The following CYFIP2 variants were observed in gnomAD, a reference collection of about 807,000 sequenced individuals.
CYFIP2 encodes the protein cytoplasmic FMR1-interacting protein 2.
A neutral mutation model predicts 158.7 loss-of-function variants in CYFIP2; 29 were observed. That is an observed-to-expected ratio of 0.18 (90% CI 0.14 to 0.25). The LOEUF (loss-of-function observed/expected upper bound fraction) is 0.25. Ranked by LOEUF, CYFIP2 falls within the 10% of genes least tolerant of loss-of-function variation. CYFIP2 has a pLI of 1.00. For synonymous variants in CYFIP2, 585 were observed against 617.6 expected, an observed-to-expected ratio of 0.95 and a Z score of 0.78; for missense variants, 852 against 1,639.5, an observed-to-expected ratio of 0.52 and a Z score of 8.29.
intron 28 of CYFIP2, among the ~76,000 whole-genome samples, chr5:157,388,011 C>T (rs916967223): frequency 6.6e-6 from 1 of 152,144 alleles, no homozygotes; most frequent in South Asian, 2.1e-4. Flanking sequence ...AGTGAGCTTC[C>T]GGGGTAGGTC....
intron 23 of CYFIP2, chr5:157,342,758 C>T (rs1762364323): frequency 2.6e-6 from 3 of 1,162,170 alleles, no homozygotes; most frequent in East Asian, 2.6e-5. Flanking sequence ...ATAGCAGTGA[C>T]GTTTGATGGG....
chr5:157,389,583 A>G, intron 29 of CYFIP2, 156 bp downstream of exon 29: 1 of 652,236 alleles, frequency 1.5e-6, no homozygotes, highest in Non-Finnish European at 2.6e-6. Context: ...TGCATTGGCA[A>G]GAAAGAGCCC....
At chr5:157,298,058 G>A (rs1561702045) in intron 5 of CYFIP2, among the ~76,000 whole-genome samples, 2 of 152,226 alleles carry the variant, frequency 1.3e-5, no homozygotes, top group East Asian at 1.9e-4. Context: ...TCTCAGGCCC[G>A]TGGAAGCAGA....
chr5:157,331,857 A>G (rs1195261195), intron 20 of CYFIP2, among the ~76,000 whole-genome samples: 1 of 152,204 alleles, frequency 6.6e-6, no homozygotes. Context: ...AAGAATAATC[A>G]TTTGACACCT....
intron 11 of CYFIP2, 126 bp from the exon 12 acceptor site, chr5:157,314,218 C>A: frequency 1.6e-6 from 2 of 1,254,194 alleles, no homozygotes; most frequent in Non-Finnish European, 2.1e-6. Context: ...TTGTCTGAGC[C>A]TCAGTTTATC....
chr5:157,328,150 G>C, intron 19 of CYFIP2, 101 bp downstream of exon 19: 1 of 1,179,420 alleles, frequency 8.5e-7, no homozygotes, highest in Non-Finnish European at 1.2e-6. Context: ...AGCACCTTAG[G>C]AAAACAGAGC....
chr5:157,279,289 A>G (rs1055487059), intron 1 of CYFIP2, among the ~76,000 whole-genome samples: 2 of 152,246 alleles, frequency 1.3e-5, no homozygotes, highest in Non-Finnish European at 2.9e-5. Flanking sequence ...TAAGTGGCAG[A>G]TGACAGATTG....
intron 21 of CYFIP2, 53 bp from the exon 22 acceptor site, chr5:157,339,004 A>G: frequency 1.3e-6 from 2 of 1,523,892 alleles, no homozygotes; most frequent in South Asian, 1.3e-5. Flanking sequence ...AAACACACAC[A>G]TGTAATGCTT....
chr5:157,335,618 C>T (rs1032051230), intron 21 of CYFIP2, among the ~76,000 whole-genome samples: 1 of 152,158 alleles, frequency 6.6e-6, no homozygotes, highest in African/African-American at 2.4e-5. Context: ...TTTGGGGCTG[C>T]AATGCAGTGA....
In CYFIP2 at chr5:157,369,497, C is replaced by T. The variant is rs562557668; in HGVS notation, c.3039+7899C>T. Among the ~76,000 whole-genome samples the T allele has an allele frequency of 1.5e-3, 234 of 152,276 alleles. 1 individual carries two copies. Among genetic ancestry groups the T allele is most frequent in the Non-Finnish European group, 2.6e-3 (179 of 68,016 alleles). ...CAGGGGAGGGACATTTCAGCTTCCTCCTGGTGTAATGTTTATCCTCTAAAA... is the reference window on the plus strand; with the variant it reads ...CAGGGGAGGGACATTTCAGCTTCCTTCTGGTGTAATGTTTATCCTCTAAAA... On this transcript the variant is annotated intron_variant, in intron 26 of 30. Coordinates refer to ENST00000620254, the MANE Select transcript of CYFIP2 (RefSeq NM_001037333.3).
chr5:157,357,102 TC>T (rs1763461930), intron 23 of CYFIP2, among the ~76,000 whole-genome samples: 2 of 152,220 alleles, frequency 1.3e-5, no homozygotes, highest in Admixed American at 1.3e-4. Flanking sequence ...CTTCTCACGT[TC>T]CAGGCCTCCC....
intron 28 of CYFIP2, among the ~76,000 whole-genome samples, chr5:157,388,352 G>A (rs1350986275): frequency 6.6e-6 from 1 of 152,140 alleles, no homozygotes; most frequent in Admixed American, 6.5e-5. Context: ...ATTAATAGAG[G>A]TCATTTGTAA....
At chr5:157,355,890 T>C (rs1472457477) in intron 23 of CYFIP2, among the ~76,000 whole-genome samples, 2 of 152,198 alleles carry the variant, frequency 1.3e-5, no homozygotes, top group East Asian at 3.9e-4. Context: ...CTTTGTCACC[T>C]GGTGCCTGTG....
intron 28 of CYFIP2, among the ~76,000 whole-genome samples, chr5:157,385,711 T>C (rs1766611022): frequency 6.6e-6 from 1 of 152,020 alleles, no homozygotes; most frequent in African/African-American, 2.4e-5. Flanking sequence ...TTACCTGCCT[T>C]TCTTGTTATC....
At position 157,361,667 on chromosome 5, in the gene CYFIP2, T is replaced by C. The variant is rs1282400091; in HGVS notation, c.3039+69T>C. The C allele has an allele frequency of 3.1e-6, 5 of 1,587,630 alleles. No individual in the cohort carries two copies. In the East Asian group the frequency reaches 1.1e-4, roughly 36 times the overall value. On this transcript the variant is annotated intron_variant, in intron 26 of 30. Transcript: ENST00000620254. The surrounding 1 kb of genome is among the most constrained non-coding windows in gnomAD (Gnocchi z 4.4). ...GGGGATGCCAACCCCAAGCAGATAT[T>C]GAGGCTCCTGCAGCATTGATTTGTG...
intron 10 of CYFIP2, 120 bp downstream of exon 10, chr5:157,309,954 G>C: frequency 1.0e-6 from 1 of 964,754 alleles, no homozygotes; most frequent in Non-Finnish European, 1.6e-6. Flanking sequence ...GATTCCATCA[G>C]AACACAGGTG....
At chr5:157,325,384 A>T (rs781608870) in intron 16 of CYFIP2, 98 bp from the exon 17 acceptor site, 1 of 1,352,142 alleles carries the variant, frequency 7.4e-7, no homozygotes, top group Non-Finnish European at 9.8e-7. Context: ...CTACATACCT[A>T]ACACAGTGAC....
intron 1 of CYFIP2, 28 bp from the exon 2 acceptor site, chr5:157,285,311 C>T: frequency 2.0e-6 from 3 of 1,468,162 alleles, no homozygotes; most frequent in South Asian, 2.4e-5. Flanking sequence ...CTGAAATTCT[C>T]CACTGACCTT....
chr5:157,280,278 C>T (rs532922878), intron 1 of CYFIP2, among the ~76,000 whole-genome samples: 32 of 152,174 alleles, frequency 2.1e-4, no homozygotes, highest in African/African-American at 7.2e-4. Context: ...CTCACTGCAA[C>T]CTCTGCCTCC....
Sources: allele counts gnomAD v4.1 joint callset (sites outside exome capture counted in the v4.1 genomes callset), GRCh38; gene constraint gnomAD v4.1.1; non-coding constraint Gnocchi (gnomAD v3.1); transcripts MANE v1.5; gene names NCBI Gene and HGNC (gene_info 2026-07-23, HGNC 2026-07-21).